SYBU: variants seen among roughly 807,000 people sequenced by gnomAD.
The protein encoded by SYBU is syntabulin.
A neutral mutation model predicts 35.9 loss-of-function variants in SYBU; 21 were observed. The observed-to-expected ratio is 0.58, with a 90% confidence interval of 0.41 to 0.84. SYBU has a LOEUF of 0.84. Among genes scored for constraint, SYBU ranks in the 40% least tolerant of loss-of-function variants. SYBU has a pLI of 0.00. For synonymous variants in SYBU, 319 were observed against 324.3 expected (o/e 0.98, Z 0.18); for missense variants, 768 against 848.2 (o/e 0.91, Z 1.17).
At chr8:109,580,847 C>T (rs1161418018) in intron 4 of SYBU, 2 of 152,552 alleles carry the variant, frequency 1.3e-5, no homozygotes, top group Non-Finnish European at 2.9e-5. Flanking sequence ...CCTCCCTCCT[C>T]CCTCTGTACT....
intron 3 of SYBU, among the ~76,000 whole-genome samples, chr8:109,609,395 C>T (rs1471898220): frequency 6.6e-6 from 1 of 152,308 alleles, no homozygotes; most frequent in Non-Finnish European, 1.5e-5. Flanking sequence ...CTCCTTCAGC[C>T]TTTTAATGAT....
At chr8:109,618,813 A>G (rs375996805) in intron 3 of SYBU, 29 bp downstream of exon 3, 35 of 1,605,914 alleles carry the variant, frequency 2.2e-5, no homozygotes, top group Admixed American at 3.3e-5. Flanking sequence ...CATTGTTCTG[A>G]TGAAAACATG....
At chr8:109,645,783 G>A (rs1038702612), upstream of SYBU, 3 of 174,592 alleles carry the variant, frequency 1.7e-5, no homozygotes, top group African/African-American at 4.8e-5. Context: ...CGAATTACAT[G>A]CGGATGCCAT....
chr8:109,576,607 A>G (rs1822349692), intron 6 of SYBU, among the ~76,000 whole-genome samples: 1 of 152,170 alleles, frequency 6.6e-6, no homozygotes. Flanking sequence ...TGAAATAATA[A>G]AATGCTACAC....
chr8:109,635,347 T>C (rs1052677214), intron 2 of SYBU, among the ~76,000 whole-genome samples: 2 of 152,342 alleles, frequency 1.3e-5, no homozygotes, highest in African/African-American at 4.8e-5. Context: ...CTGGGTCTCA[T>C]GCTTTATTCC....
chr8:109,610,166 C>T (rs1206171500), intron 3 of SYBU, among the ~76,000 whole-genome samples: 1 of 152,172 alleles, frequency 6.6e-6, no homozygotes, highest in African/African-American at 2.4e-5. Flanking sequence ...AGACACTCCC[C>T]TGACTATCCC....
At position 109,575,115 on chromosome 8, in the gene SYBU, G is replaced by A. The variant is rs1822069745; in HGVS notation, c.1783C>T (p.Arg595Cys). The A allele has an allele frequency of 6.2e-7, 1 of 1,613,322 alleles. No individual in the cohort carries two copies. Among genetic ancestry groups the A allele is most frequent in the South Asian group, 1.1e-5 (1 of 91,054 alleles). ...ERLDGVIPLA[R>C]GGVVRQYWSS... is the part of the protein sequence containing the mutation. Reference sequence around the variant, plus strand: ...CAGTACTGCCTCACGACGCCCCCGCGAGCCAGTGGGATGACACCATCCAAC... The same window carrying A: ...CAGTACTGCCTCACGACGCCCCCGCAAGCCAGTGGGATGACACCATCCAAC... The change falls in exon 7 of 7, where the codon CGC becomes TGC. Residue 595 changes from arginine (R) to cysteine (C), a missense_variant. Arg to Cys is a radical substitution (Grantham distance 180, BLOSUM62 -3). Transcript: ENST00000276646.
chr8:109,691,264 A>C lies in SYBU; in HGVS notation c.-58+69T>G. 1 of 694,876 alleles carries C rather than the reference A, an allele frequency of 1.4e-6. No homozygotes were observed. Among genetic ancestry groups the C allele is most frequent in the South Asian group, 1.5e-5 (1 of 66,554 alleles). The allele number at this position is 694,876 out of a possible 1,614,324, so 43.0% of individuals were successfully genotyped here. A position where few individuals can be genotyped will look rare whatever the true frequency, so the allele number is the denominator to read the frequency against. On this transcript the variant is annotated intron_variant, in intron 1 of 7. Coordinates refer to the SYBU transcript ENST00000422135. The surrounding 1 kb of genome is among the most constrained non-coding windows in gnomAD (Gnocchi z 4.7). ...CCCATCACTGCCCTCATTGTACCGA[A>C]GACCATCAGTTGCCCTCCCGTGTCC...
chr8:109,588,247 C>T (rs770357659), intron 3 of SYBU, among the ~76,000 whole-genome samples: 7 of 152,224 alleles, frequency 4.6e-5, no homozygotes, highest in Non-Finnish European at 8.8e-5. Context: ...AATTCTAGAA[C>T]AGGAACAGAT....
intron 1 of SYBU, among the ~76,000 whole-genome samples, chr8:109,643,874 C>G (rs1815232601): frequency 1.3e-5 from 2 of 152,184 alleles, no homozygotes; most frequent in African/African-American, 4.8e-5. Flanking sequence ...GAACGAAATT[C>G]AAATCCAGTG....
At chr8:109,625,216 T>G (rs905812808) in intron 2 of SYBU, among the ~76,000 whole-genome samples, 1 of 152,202 alleles carries the variant, frequency 6.6e-6, no homozygotes, top group Non-Finnish European at 1.5e-5. Context: ...TTAAAATGTT[T>G]CCACAAAGAA....
rs111237067 is a variant in SYBU at position 109,590,077 on chromosome 8, T to A, written c.428-3915A>T. 2.6e-3 allele frequency among the ~76,000 whole-genome samples: 396 copies of A among 151,734 alleles called. 3 individuals are homozygous for A. The highest frequency in any genetic ancestry group is 9.3e-3 in the African/African-American group (384 of 41,352). On this transcript the variant is annotated intron_variant, in intron 3 of 6. Coordinates refer to ENST00000276646, the MANE Select transcript of SYBU (RefSeq NM_001099754.2). Reference sequence around the variant, plus strand: ...TCCACCCATCCCCCCAAAATACACATATTTTTAAATGTACAGGTCTCCAGG... The same window carrying A: ...TCCACCCATCCCCCCAAAATACACAAATTTTTAAATGTACAGGTCTCCAGG...
intron 1 of SYBU, among the ~76,000 whole-genome samples, chr8:109,668,165 G>GGAGAGA (rs60330422): frequency 0.048 from 4,257 of 88,898 alleles, 344 homozygotes; most frequent in South Asian, 0.064. Context: ...GGGGAGAGGG[G>GGAGAGA]GAGAGAGAGA....
At chr8:109,631,176 G>C in intron 2 of SYBU, among the ~76,000 whole-genome samples, 1 of 152,128 alleles carries the variant, frequency 6.6e-6, no homozygotes, top group South Asian at 2.1e-4. Flanking sequence ...GAAATGGGGG[G>C]TCTTTTGCAA....
intron 1 of SYBU, among the ~76,000 whole-genome samples, chr8:109,673,878 G>C (rs1471533250): frequency 1.3e-5 from 2 of 152,166 alleles, no homozygotes; most frequent in Non-Finnish European, 2.9e-5. Context: ...CAAGAACTTT[G>C]TGAAGCATAC....
chr8:109,593,694 T>C (rs1824543586), intron 3 of SYBU, among the ~76,000 whole-genome samples: 1 of 152,212 alleles, frequency 6.6e-6, no homozygotes, highest in Admixed American at 6.5e-5. Flanking sequence ...ACTGGGGTTA[T>C]TCCATCAGTG....
chr8:109,682,863 C>A (rs1227148169), upstream of SYBU, among the ~76,000 whole-genome samples: 1 of 152,216 alleles, frequency 6.6e-6, no homozygotes, highest in Non-Finnish European at 1.5e-5. Context: ...GCTCTGCATC[C>A]CAGCTGTTCT....
chr8:109,578,886 G>T (rs1374997614), intron 5 of SYBU, among the ~76,000 whole-genome samples: 1 of 152,140 alleles, frequency 6.6e-6, no homozygotes, highest in African/African-American at 2.4e-5. Context: ...TGGAGGAAAT[G>T]GAAAGATCCT....
chr8:109,612,357 C>T (rs2844240), intron 3 of SYBU, among the ~76,000 whole-genome samples: 46,428 of 152,042 alleles, frequency 0.31, 7,978 homozygotes, highest in African/African-American at 0.45. Context: ...TCATAAGGCT[C>T]ATAGTATCTG....
Sources: gnomAD v4.1 joint callset for allele counts (sites outside exome capture counted in the v4.1 genomes callset) on GRCh38, gnomAD v4.1.1 for gene constraint, Gnocchi (gnomAD v3.1) non-coding constraint, MANE v1.5 for transcripts, NCBI Gene and HGNC (gene_info 2026-07-23, HGNC 2026-07-21) for gene names.